The following UBQLN1 variants were observed in gnomAD, a reference collection of about 807,000 sequenced individuals.
UBQLN1 encodes the protein ubiquilin 1, also known as ubiquilin-1.
In UBQLN1, 13 loss-of-function variants were observed where a neutral mutation model predicts 65.4. That is an observed-to-expected ratio of 0.20 (90% CI 0.13 to 0.32). The LOEUF (loss-of-function observed/expected upper bound fraction) is 0.32. UBQLN1 is among the 10% of genes least tolerant of loss of function. The pLI is 1.00. For synonymous variants in UBQLN1, 267 were observed against 247.8 expected (o/e 1.08, Z -0.73); for missense variants, 561 against 724.0 (o/e 0.77, Z 2.58).
intron 1 of UBQLN1, among the ~76,000 whole-genome samples, chr9:83,695,136 G>A (rs994916970): frequency 6.7e-6 from 1 of 149,608 alleles, no homozygotes; most frequent in African/African-American, 2.5e-5. Flanking sequence ...ATACCTTTCT[G>A]GACAGAATCA....
chr9:83,672,688 G>A (rs1831753549), intron 6 of UBQLN1, among the ~76,000 whole-genome samples: 1 of 152,196 alleles, frequency 6.6e-6, no homozygotes, highest in South Asian at 2.1e-4. Context: ...GAAAAAGCCT[G>A]AAATATTGTG....
intron 9 of UBQLN1, among the ~76,000 whole-genome samples, chr9:83,664,685 G>C (rs1159020590): frequency 6.6e-6 from 1 of 151,938 alleles, no homozygotes; most frequent in African/African-American, 2.4e-5. Context: ...CAAATCTCTT[G>C]AGCCCAGAAG....
intron 1 of UBQLN1, among the ~76,000 whole-genome samples, chr9:83,705,565 G>T (rs1037596691): frequency 6.6e-6 from 1 of 152,144 alleles, no homozygotes; most frequent in African/African-American, 2.4e-5. Flanking sequence ...TTAAAACATA[G>T]TTTCTCACAA....
chr9:83,685,864 T>A lies in UBQLN1; in HGVS notation c.332+140A>T, dbSNP rs542764577. 3.4e-5 allele frequency: 24 copies of A among 698,266 alleles called. No homozygotes were observed. The East Asian group carries it at 7.0e-4, about 20-fold the overall frequency. The allele number at this position is 698,266 out of a possible 1,614,324, so 43.3% of individuals were successfully genotyped here. A position where few individuals can be genotyped will look rare whatever the true frequency, so the allele number is the denominator to read the frequency against. ...CATGGAATCACACTTTTTAAAAAAA[T>A]TGTTATCGACAGCAAGGAAAGAATT... On this transcript the variant is annotated intron_variant, in intron 2 of 10. Coordinates refer to ENST00000376395, the MANE Select transcript of UBQLN1 (RefSeq NM_013438.5).
intron 3 of UBQLN1, among the ~76,000 whole-genome samples, chr9:83,681,932 T>C (rs766983358): frequency 5.3e-5 from 8 of 152,180 alleles, no homozygotes; most frequent in Non-Finnish European, 1.2e-4. Context: ...ACTATATGGA[T>C]GGGCACCTTA....
At chr9:83,672,360 G>A (rs1466315391) in intron 6 of UBQLN1, among the ~76,000 whole-genome samples, 1 of 152,174 alleles carries the variant, frequency 6.6e-6, no homozygotes, top group African/African-American at 2.4e-5. Context: ...TTTAGCTTCT[G>A]ATATGCCTCC....
At position 83,702,200 on chromosome 9, in the gene UBQLN1, G is replaced by C. The variant is rs544163350; in HGVS notation, c.180+5300C>G. Among the ~76,000 whole-genome samples the C allele has an allele frequency of 1.4e-4, 22 of 152,214 alleles. 1 individual carries two copies. Among genetic ancestry groups the C allele is most frequent in the South Asian group, 1.2e-3 (6 of 4,828 alleles). ...GCTAAAGGGTACAGCGTTTCTTTTT[G>C]AGGGTTCTAAACGTTCTAAAATTGA... On this transcript the variant is annotated intron_variant, in intron 1 of 10. Transcript: ENST00000376395.
At chr9:83,694,499 G>A (rs1190089725) in intron 1 of UBQLN1, among the ~76,000 whole-genome samples, 1 of 152,186 alleles carries the variant, frequency 6.6e-6, no homozygotes, top group Non-Finnish European at 1.5e-5. Flanking sequence ...ATACAAGGAT[G>A]CCAAGTATGA....
At chr9:83,669,854 G>C (rs945610396) in intron 6 of UBQLN1, among the ~76,000 whole-genome samples, 1 of 152,088 alleles carries the variant, frequency 6.6e-6, no homozygotes, top group Non-Finnish European at 1.5e-5. Flanking sequence ...AAACCATAGA[G>C]CACAGTGACT....
chr9:83,667,726 T>C (rs1371891691), intron 7 of UBQLN1: 1 of 982,610 alleles, frequency 1.0e-6, no homozygotes, highest in African/African-American at 1.7e-5. Flanking sequence ...AATCATCTTA[T>C]TAGATACTTC....
rs140589064 is a variant in UBQLN1, at chr9:83,676,205, AATATGCTGACAATCT to A, written c.1105+1507_1105+1521del. On this transcript the variant is annotated intron_variant, in intron 6 of 10. Transcript: ENST00000376395. ...TGAGTAAGAATCATAATACTGTACAAATATGCTGACAATCTGATAGGCCAGCAGAGTAAGTTCATT... is the reference window on the plus strand; with the variant it reads ...TGAGTAAGAATCATAATACTGTACAAGATAGGCCAGCAGAGTAAGTTCATT... Among the ~76,000 whole-genome samples the A allele has an allele frequency of 8.3e-3, 1,259 of 152,354 alleles. 32 individuals are homozygous for A. The highest frequency in any genetic ancestry group is 0.045 in the East Asian group (235 of 5,190).
At position 83,669,338 on chromosome 9, in the gene UBQLN1, G is replaced by A; in HGVS notation, c.1106-11C>T. On this transcript the variant is annotated splice_polypyrimidine_tract_variant and intron_variant, in intron 6 of 10. Coordinates refer to ENST00000376395, the MANE Select transcript of UBQLN1 (RefSeq NM_013438.5). The stretch of plus-strand genomic sequence containing the variant: ...TGTTGAACATACTAGCTGAAAGTTT[G>A]TTTTTAAAAAAGACATATTAAGGAA... 1 of 1,572,142 alleles carries A rather than the reference G, an allele frequency of 6.4e-7. No homozygotes were observed. The highest frequency in any genetic ancestry group is 8.6e-7 in the Non-Finnish European group (1 of 1,167,938).
At chr9:83,700,844 C>T (rs1264474365) in intron 1 of UBQLN1, among the ~76,000 whole-genome samples, 3 of 152,112 alleles carry the variant, frequency 2.0e-5, no homozygotes, top group Non-Finnish European at 2.9e-5. Flanking sequence ...CACAGGGCCT[C>T]GCTACTCCAT....
intron 1 of UBQLN1, among the ~76,000 whole-genome samples, chr9:83,705,871 T>TACC (rs954465579): frequency 1.6e-4 from 24 of 151,644 alleles, no homozygotes; most frequent in Admixed American, 4.6e-4. Flanking sequence ...CACACAGTAC[T>TACC]ATAGGCTCTA....
chr9:83,692,460 AACTT>A (rs941387437), intron 1 of UBQLN1, among the ~76,000 whole-genome samples: 1 of 152,220 alleles, frequency 6.6e-6, no homozygotes, highest in Non-Finnish European at 1.5e-5. Flanking sequence ...GATATGGAAA[AACTT>A]AATTAGCCAT....
chr9:83,674,237 GGAA>G (rs145316357), intron 6 of UBQLN1, among the ~76,000 whole-genome samples: 1,872 of 149,778 alleles, frequency 0.012, 36 homozygotes, highest in African/African-American at 0.04. Context: ...CAAGAAAAAA[GGAA>G]GAAGGAGAGT....
At chr9:83,693,879 T>C (rs1832167029) in intron 1 of UBQLN1, among the ~76,000 whole-genome samples, 1 of 152,224 alleles carries the variant, frequency 6.6e-6, no homozygotes, top group Non-Finnish European at 1.5e-5. Flanking sequence ...GAGCCTTGGT[T>C]TCTTCATCAG....
chr9:83,697,090 A>G (rs1289477114), intron 1 of UBQLN1, among the ~76,000 whole-genome samples: 1 of 151,986 alleles, frequency 6.6e-6, no homozygotes, highest in East Asian at 1.9e-4. Context: ...AATGAACTTT[A>G]AAGACTGAAA....
At chr9:83,671,109 G>T (rs1831722695) in intron 6 of UBQLN1, among the ~76,000 whole-genome samples, 1 of 152,094 alleles carries the variant, frequency 6.6e-6, no homozygotes, top group African/African-American at 2.4e-5. Context: ...GTGATTAAAG[G>T]TATGAGCCAA....
Sources: allele counts gnomAD v4.1 joint callset (sites outside exome capture counted in the v4.1 genomes callset), GRCh38; gene constraint gnomAD v4.1.1; transcripts MANE v1.5; gene names NCBI Gene and HGNC (gene_info 2026-07-23, HGNC 2026-07-21).